The following ROCK2 variants were observed in gnomAD, a reference collection of about 807,000 sequenced individuals.
ROCK2 encodes the protein Rho associated coiled-coil containing protein kinase 2, also known as rho-associated protein kinase 2.
ROCK2 carries 61 observed loss-of-function variants against 195.1 expected under a neutral mutation model. That is an observed-to-expected ratio of 0.31 (90% CI 0.25 to 0.39). ROCK2 has a LOEUF of 0.39. Among genes scored for constraint, ROCK2 ranks in the 10% least tolerant of loss-of-function variants. The pLI is 1.00. For synonymous variants in ROCK2, 504 were observed against 545.5 expected (o/e 0.92, Z 1.06); for missense variants, 1,109 against 1,637.4 (o/e 0.68, Z 5.57).
intron 3 of ROCK2, among the ~76,000 whole-genome samples, chr2:11,279,537 A>G (rs1572352646): frequency 6.6e-6 from 1 of 152,242 alleles, no homozygotes; most frequent in African/African-American, 2.4e-5. Flanking sequence ...ATGAGGCAAA[A>G]GCTGATAGAA....
chr2:11,271,401 A>C (rs1417093241), intron 3 of ROCK2, among the ~76,000 whole-genome samples: 1 of 152,172 alleles, frequency 6.6e-6, no homozygotes, highest in Non-Finnish European at 1.5e-5. Context: ...TTTGTCAGTT[A>C]CAGCTCAGGT....
At chr2:11,331,388 G>A (rs1302424486) in intron 1 of ROCK2, among the ~76,000 whole-genome samples, 1 of 152,154 alleles carries the variant, frequency 6.6e-6, no homozygotes, top group African/African-American at 2.4e-5. Context: ...AAGTGCAATA[G>A]TACTTAAAAC....
At position 11,249,653 on chromosome 2, in the gene ROCK2, A is replaced by T. The variant is rs764936553; in HGVS notation, c.462+8T>A. 8 of 1,477,508 alleles carry T rather than the reference A, an allele frequency of 5.4e-6. No individual in the cohort carries two copies. Among genetic ancestry groups the T allele is most frequent in the Non-Finnish European group, 7.2e-6 (8 of 1,117,858 alleles). 91.5% of individuals were successfully genotyped at this position (1,477,508 alleles called of 1,614,324 possible). On this transcript the variant is annotated splice_region_variant and intron_variant, in intron 4 of 32. Transcript: ENST00000315872. ...AGGAAATAAACTTATAAAAGTTAGTATGCTTACCTGAACCACCCAGGGGCT... is the reference window on the plus strand; with the variant it reads ...AGGAAATAAACTTATAAAAGTTAGTTTGCTTACCTGAACCACCCAGGGGCT...
At chr2:11,321,321 G>A (rs992239137) in intron 1 of ROCK2, among the ~76,000 whole-genome samples, 3 of 151,888 alleles carry the variant, frequency 2.0e-5, no homozygotes, top group Non-Finnish European at 4.4e-5. Context: ...AACTACAGGT[G>A]CACGCCACCG....
In ROCK2 at chr2:11,227,364, G is replaced by A; in HGVS notation, c.758C>T (p.Thr253Ile). The A allele has an allele frequency of 6.2e-7, 1 of 1,613,562 alleles. No homozygotes were observed. The highest frequency in any genetic ancestry group is 8.5e-7 in the Non-Finnish European group (1 of 1,179,670). ...AACCTCAGGTGATATATAATCCGGT[G>A]TTCCAACTGCTGTATCACAATGTAC... ...GMVHCDTAVGTPDYISPEVLK... is the reference protein window; with the variant it reads ...GMVHCDTAVGIPDYISPEVLK... The change falls in exon 6 of 33, where the codon ACA (threonine) becomes ATA (isoleucine). Residue 253 changes from threonine to isoleucine, a missense_variant. This residue lies in a region of ROCK2 where 253 missense variants were observed against 455.5 expected (regional missense o/e 0.56). Coordinates refer to ENST00000315872, the MANE Select transcript of ROCK2 (RefSeq NM_004850.5).
At chr2:11,342,004 G>A (rs187589329) in intron 1 of ROCK2, among the ~76,000 whole-genome samples, 148 of 152,048 alleles carry the variant, frequency 9.7e-4, no homozygotes, top group African/African-American at 3.0e-3. Context: ...TTCTGTATAC[G>A]CTACCACAAT....
chr2:11,295,996 A>AG (rs1181259771), intron 1 of ROCK2, among the ~76,000 whole-genome samples: 21 of 35,524 alleles, frequency 5.9e-4, no homozygotes, highest in African/African-American at 1.5e-3. Context: ...GAGAGGAGAG[A>AG]GAGAGAGAGG....
chr2:11,260,345 G>A (rs1206057315), intron 3 of ROCK2, among the ~76,000 whole-genome samples: 2 of 151,408 alleles, frequency 1.3e-5, no homozygotes, highest in African/African-American at 2.4e-5. Flanking sequence ...CTACTCAGGA[G>A]GCTGAGGCAG....
chr2:11,243,150 A>G (rs931764519), intron 4 of ROCK2, among the ~76,000 whole-genome samples: 4 of 152,316 alleles, frequency 2.6e-5, no homozygotes, highest in Admixed American at 1.3e-4. Context: ...TTCAAAACTG[A>G]AAGAAAATAA....
intron 1 of ROCK2, among the ~76,000 whole-genome samples, chr2:11,316,717 C>A (rs1170744797): frequency 1.3e-5 from 2 of 152,042 alleles, no homozygotes; most frequent in Non-Finnish European, 2.9e-5. Context: ...ACATTTTATG[C>A]GACCATGTAT....
intron 4 of ROCK2, among the ~76,000 whole-genome samples, chr2:11,239,539 A>T (rs1210163503): frequency 6.6e-6 from 1 of 152,230 alleles, no homozygotes; most frequent in African/African-American, 2.4e-5. Context: ...CCTAAAAGAA[A>T]TGAAATATAT....
At chr2:11,305,265 A>C (rs956823126) in intron 1 of ROCK2, among the ~76,000 whole-genome samples, 1 of 152,176 alleles carries the variant, frequency 6.6e-6, no homozygotes, top group Non-Finnish European at 1.5e-5. Flanking sequence ...AGTCCCAACT[A>C]CTCGGGAGGC....
chr2:11,289,427 T>C (rs1443739380), intron 1 of ROCK2, among the ~76,000 whole-genome samples: 2 of 152,222 alleles, frequency 1.3e-5, no homozygotes, highest in Non-Finnish European at 2.9e-5. Flanking sequence ...ATTTATATTT[T>C]AGATGTATCT....
intron 1 of ROCK2, among the ~76,000 whole-genome samples, chr2:11,317,086 T>C (rs1668217087): frequency 6.6e-6 from 1 of 152,142 alleles, no homozygotes; most frequent in African/African-American, 2.4e-5. Context: ...CCAGAGTTTA[T>C]GGTGGTGTTC....
Position 11,217,131 on chromosome 2 carries a change from G to T in ROCK2, c.1371C>A (p.Ser457Arg). 1 of 1,575,586 alleles carries T rather than the reference G, an allele frequency of 6.3e-7. No homozygotes were observed. The highest frequency in any genetic ancestry group is 8.7e-7 in the Non-Finnish European group (1 of 1,145,530). ...GTTCCTCTTTGGCTTGCATCTCATT[G>T]CTAAGATGTTCTTCTAATGTATACA... ...KKLYTLEEHL[S>R]NEMQAKEELE... The change falls in exon 12 of 33, where the codon AGC (serine) becomes AGA (arginine). Residue 457 changes from serine (S) to arginine (R), a missense_variant. By Grantham distance (110) the Ser-to-Arg change is moderately radical. Coordinates refer to ENST00000315872, the MANE Select transcript of ROCK2 (RefSeq NM_004850.5).
At chr2:11,232,327 C>T (rs746728358) in intron 5 of ROCK2, among the ~76,000 whole-genome samples, 60 of 152,100 alleles carry the variant, frequency 3.9e-4, no homozygotes, top group African/African-American at 7.0e-4. Flanking sequence ...CGGGGGTTCA[C>T]CTTGTTTCCC....
chr2:11,277,144 T>C (rs1666853474), intron 3 of ROCK2, among the ~76,000 whole-genome samples: 1 of 152,196 alleles, frequency 6.6e-6, no homozygotes, highest in African/African-American at 2.4e-5. Context: ...TATTCATACA[T>C]TACTATTAAC....
intron 5 of ROCK2, among the ~76,000 whole-genome samples, chr2:11,230,393 T>C (rs1380052087): frequency 6.6e-6 from 1 of 152,128 alleles, no homozygotes; most frequent in Non-Finnish European, 1.5e-5. Context: ...AGTTTCAAAA[T>C]ATGAATAAGA....
At chr2:11,283,104 T>G (rs1340140164) in intron 3 of ROCK2, among the ~76,000 whole-genome samples, 1 of 148,826 alleles carries the variant, frequency 6.7e-6, no homozygotes, top group Admixed American at 6.7e-5. Context: ...CCATCTCTAC[T>G]AAAAATACAA....
Sources: allele counts gnomAD v4.1 joint callset (sites outside exome capture counted in the v4.1 genomes callset), GRCh38; gene constraint gnomAD v4.1.1; regional missense constraint gnomAD v4.1.1; transcripts MANE v1.5; gene names NCBI Gene and HGNC (gene_info 2026-07-23, HGNC 2026-07-21).